The following ACACA variants were observed in gnomAD, a reference collection of about 807,000 sequenced individuals.
ACACA encodes acetyl-CoA carboxylase 1.
ACACA carries 103 observed loss-of-function variants against 296.1 expected under a neutral mutation model. The ratio of observed to expected loss-of-function variants is 0.35; its 90% CI spans 0.30 to 0.41. The LOEUF (loss-of-function observed/expected upper bound fraction) is 0.41. Ranked by LOEUF, ACACA falls within the 10% of genes least tolerant of loss-of-function variation. The pLI, the probability that ACACA is intolerant of heterozygous loss-of-function variation, is 1.00. For missense variants in ACACA, 1,554 were observed against 2,989.7 expected (o/e 0.52, Z 11.20); for synonymous variants, 953 against 1,038.6 (o/e 0.92, Z 1.58).
At chr17:37,264,078 C>T (rs748899786) in intron 10 of ACACA, among the ~76,000 whole-genome samples, 184 bp from the exon 11 acceptor site, 26 of 152,172 alleles carry the variant, frequency 1.7e-4, no homozygotes, top group African/African-American at 6.0e-4. Context: ...CTTTAAGATG[C>T]TGCATTCTTA....
intron 3 of ACACA, among the ~76,000 whole-genome samples, chr17:37,327,311 C>T (rs1370672480): frequency 6.6e-6 from 1 of 152,156 alleles, no homozygotes; most frequent in Non-Finnish European, 1.5e-5. Flanking sequence ...GAATTTGACT[C>T]AATTAAAATT....
chr17:37,105,189 G>A (rs1229029439), intron 52 of ACACA, among the ~76,000 whole-genome samples: 2 of 152,132 alleles, frequency 1.3e-5, no homozygotes, highest in African/African-American at 2.4e-5. Flanking sequence ...GGCTCTAGGC[G>A]ACCTTGTAGA....
chr17:37,375,229 G>A lies in ACACA; in HGVS notation c.38+31033C>T, dbSNP rs2049954928. 2.6e-5 allele frequency among the ~76,000 whole-genome samples: 4 copies of A among 152,038 alleles called. No individual in the cohort carries two copies. In the South Asian group the frequency reaches 8.3e-4, roughly 32 times the overall value. ...AGGCCAGGCACGGTGGCTCATGCCT[G>A]TAATCCCAGCACTTCGGGAGGCCGA... On this transcript the variant is annotated intron_variant, in intron 1 of 55. Transcript: ENST00000616317.
intron 3 of ACACA, among the ~76,000 whole-genome samples, chr17:37,292,963 C>T (rs937126061): frequency 6.6e-6 from 1 of 152,200 alleles, no homozygotes; most frequent in Non-Finnish European, 1.5e-5. Context: ...AATGCAAGCA[C>T]ATATGTGAAA....
At chr17:37,399,873 ATTTAT>A (rs545048978) in intron 1 of ACACA, among the ~76,000 whole-genome samples, 2 of 152,084 alleles carry the variant, frequency 1.3e-5, no homozygotes, top group African/African-American at 4.8e-5. Context: ...GTTCTAAGAA[ATTTAT>A]TTTATTTAAT....
At chr17:37,093,930 C>T (rs1016064499) in intron 54 of ACACA, among the ~76,000 whole-genome samples, 8 of 152,138 alleles carry the variant, frequency 5.3e-5, no homozygotes, top group Admixed American at 2.6e-4. Context: ...AGCTGGGATC[C>T]CGAAGTTTAT....
At chr17:37,315,217 C>A (rs2047034708) in intron 3 of ACACA, among the ~76,000 whole-genome samples, 1 of 152,162 alleles carries the variant, frequency 6.6e-6, no homozygotes. Context: ...CTCTGCCTCC[C>A]AAAGTGCTGG....
At chr17:37,229,479 A>G (rs2079736276) in intron 25 of ACACA, among the ~76,000 whole-genome samples, 2 of 151,264 alleles carry the variant, frequency 1.3e-5, no homozygotes, top group South Asian at 2.1e-4. Flanking sequence ...AATTTTTTGT[A>G]TTTTTAGTAG....
At chr17:37,169,805 AT>A (rs2076817367) in intron 41 of ACACA, among the ~76,000 whole-genome samples, 1 of 152,158 alleles carries the variant, frequency 6.6e-6, no homozygotes. Context: ...TCTCTCCAAC[AT>A]TTTTATCCAG....
chr17:37,251,900 A>G lies in ACACA; in HGVS notation c.2081+105T>C, dbSNP rs562133744. 14 of 1,086,032 alleles carry G rather than the reference A, an allele frequency of 1.3e-5. No individual in the cohort carries two copies. In the South Asian group the frequency reaches 1.7e-4, roughly 14 times the overall value. 67.3% of individuals were successfully genotyped at this position (1,086,032 alleles called of 1,614,324 possible). On this transcript the variant is annotated intron_variant, in intron 16 of 55. Transcript: ENST00000616317. The stretch of plus-strand genomic sequence containing the variant: ...GGTCCATGAATAACAAGTAGCACTC[A>G]TAAGCTGCCAGGAATGGACAGAAGA...
At chr17:37,369,226 G>A (rs1030871528) in intron 1 of ACACA, 1 of 152,170 alleles carries the variant, frequency 6.6e-6, no homozygotes, top group Non-Finnish European at 1.5e-5. Flanking sequence ...AGGTACCAGT[G>A]GCTCATGCCT....
intron 3 of ACACA, among the ~76,000 whole-genome samples, chr17:37,302,261 G>GGCGCGAGCC (rs1187606205): frequency 6.6e-6 from 1 of 150,556 alleles, no homozygotes; most frequent in Non-Finnish European, 1.5e-5. Context: ...GGAGTGCAAT[G>GGCGCGAGCC]GCGCGATCTC....
Position 37,277,130 on chromosome 17 carries a change from A to G in ACACA, c.721-16T>C, listed in dbSNP as rs2302803. ...CCCACACTGCCTGCAAGGGAATACA[A>G]TATAATTCATTCTTAAAATTCATAC... On this transcript the variant is annotated splice_polypyrimidine_tract_variant and intron_variant, in intron 6 of 55. Transcript: ENST00000616317. The G allele has an allele frequency of 0.093, 148,837 of 1,604,706 alleles. 9,451 individuals are homozygous for G. The highest frequency in any genetic ancestry group is 0.34 in the East Asian group (15,118 of 44,790).
At chr17:37,402,165 A>G (rs888157453) in intron 1 of ACACA, among the ~76,000 whole-genome samples, 3 of 152,166 alleles carry the variant, frequency 2.0e-5, no homozygotes, top group Non-Finnish European at 4.4e-5. Flanking sequence ...GTTCCTTTAC[A>G]GAGATATTTA....
intron 3 of ACACA, among the ~76,000 whole-genome samples, chr17:37,307,294 C>G (rs1222190100): frequency 6.6e-6 from 1 of 152,180 alleles, no homozygotes; most frequent in Non-Finnish European, 1.5e-5. Flanking sequence ...TTAAATGATA[C>G]TGCTAAATAG....
chr17:37,216,189 C>CGTGT lies in ACACA; in HGVS notation c.3683+5531_3683+5534dup, dbSNP rs1204339625. Among the ~76,000 whole-genome samples the CGTGT allele has an allele frequency of 1.8e-3, 259 of 141,366 alleles. 5 individuals carry two copies. The South Asian group carries it at 0.034, about 18-fold the overall frequency. 92.7% of individuals were successfully genotyped at this position (141,366 alleles called of 152,430 possible). On this transcript the variant is annotated intron_variant, in intron 29 of 55. Transcript: ENST00000616317. ...CACATGTTACATATACATACACACA[C>CGTGT]GTGTGTGTGTGTGTGTGTGTATATA...
chr17:37,100,630 C>CA (rs35888166), intron 52 of ACACA, among the ~76,000 whole-genome samples: 31,562 of 105,228 alleles, frequency 0.3, 3,887 homozygotes, highest in Admixed American at 0.42. Flanking sequence ...GACCGCCCCT[C>CA]AAAAAAAAAA....
rs762072146 is a variant in ACACA at position 37,129,378 on chromosome 17, G to A, written c.5931C>T (p.Gly1977=). 10 of 1,613,954 alleles carry A rather than the reference G, an allele frequency of 6.2e-6. No homozygotes were observed. In the African/African-American group the frequency reaches 6.7e-5, roughly 11 times the overall value. ...ACATATACATACTTGGGTGAGGACGGCCTGCTAGCATCCATCGAGGATCGT... is the reference window on the plus strand; with the variant it reads ...ACATATACATACTTGGGTGAGGACGACCTGCTAGCATCCATCGAGGATCGT... ...TPYDPRWMLA[G]RPHPTQKGQW... Residue 1977 remains glycine, a synonymous_variant, in exon 47 of 56, where the codon GGC becomes GGT. Transcript: ENST00000616317.
chr17:37,146,897 C>T (rs1413020907), intron 45 of ACACA, among the ~76,000 whole-genome samples: 1 of 147,840 alleles, frequency 6.8e-6, no homozygotes, highest in African/African-American at 2.5e-5. Context: ...GGGCATCAGG[C>T]GATCATGCAC....
Sources: allele counts gnomAD v4.1 joint callset (sites outside exome capture counted in the v4.1 genomes callset), GRCh38; gene constraint gnomAD v4.1.1; transcripts MANE v1.5; gene names NCBI Gene and HGNC (gene_info 2026-07-23, HGNC 2026-07-21).